The following CFAP77 variants were observed in gnomAD, a reference collection of about 807,000 sequenced individuals.
CFAP77 encodes the protein cilia- and flagella-associated protein 77.
Under a neutral mutation model 31.1 loss-of-function variants are expected in CFAP77, and 25 were observed. The ratio of observed to expected loss-of-function variants is 0.80; its 90% CI spans 0.59 to 1.12. The LOEUF is 1.12. Among genes scored for constraint, CFAP77 ranks in the 50% most tolerant of loss-of-function variants. The pLI is 0.00. For missense variants in CFAP77, 377 were observed against 397.3 expected, an observed-to-expected ratio of 0.95 and a Z score of 0.44; for synonymous variants, 151 against 159.9, an observed-to-expected ratio of 0.94 and a Z score of 0.42.
chr9:132,421,433 CA>C (rs1188252171), intron 1 of CFAP77, among the ~76,000 whole-genome samples: 7 of 152,284 alleles, frequency 4.6e-5, no homozygotes, highest in African/African-American at 1.7e-4. Context: ...TACAGAATTA[CA>C]AATAATTTTG....
intron 1 of CFAP77, among the ~76,000 whole-genome samples, chr9:132,422,990 G>A (rs767030766): frequency 1.3e-5 from 2 of 152,176 alleles, no homozygotes; most frequent in African/African-American, 2.4e-5. Flanking sequence ...GCCCAAGTCC[G>A]CCGCGCTCCG....
chr9:132,454,210 G>C (rs1426064511), intron 1 of CFAP77, among the ~76,000 whole-genome samples: 2 of 151,994 alleles, frequency 1.3e-5, no homozygotes, highest in African/African-American at 4.8e-5. Flanking sequence ...GCAGTATCTA[G>C]TAGCTTCTTT....
chr9:132,569,196 G>A (rs1426348070), intron 5 of CFAP77, among the ~76,000 whole-genome samples: 1 of 152,080 alleles, frequency 6.6e-6, no homozygotes, highest in East Asian at 1.9e-4. Flanking sequence ...TTGAGGCTAG[G>A]GGTTCCAGAC....
At chr9:132,431,339 C>G (rs960888385) in intron 1 of CFAP77, among the ~76,000 whole-genome samples, 1 of 152,182 alleles carries the variant, frequency 6.6e-6, no homozygotes, top group East Asian at 1.9e-4. Context: ...GGGTCAGTCA[C>G]AATGTCCAAG....
At chr9:132,459,809 A>G (rs1589863165) in intron 1 of CFAP77, among the ~76,000 whole-genome samples, 1 of 146,704 alleles carries the variant, frequency 6.8e-6, no homozygotes, top group South Asian at 2.2e-4. Context: ...CGATGTGTGT[A>G]TGTGTGTGTA....
Position 132,564,320 on chromosome 9 carries a change from T to C in CFAP77, c.733-8068T>C, listed in dbSNP as rs1589928737. On this transcript the variant is annotated intron_variant, in intron 5 of 5. Transcript: ENST00000393216. The surrounding 1 kb of genome is among the most constrained non-coding windows in gnomAD (Gnocchi z 4.6). ...CACATGAGGATTTTTTCATTGAAAG[T>C]AGAACAGATTTTTCAAGCAAGAATA... Among the ~76,000 whole-genome samples, 1 of 152,244 alleles carries C rather than the reference T, an allele frequency of 6.6e-6. No individual in the cohort carries two copies. The highest frequency in any genetic ancestry group is 3.4e-3 in the Middle Eastern group (1 of 294).
At chr9:132,570,159 C>T (rs1829938939) in intron 5 of CFAP77, among the ~76,000 whole-genome samples, 1 of 152,224 alleles carries the variant, frequency 6.6e-6, no homozygotes, top group African/African-American at 2.4e-5. Flanking sequence ...TATTTTCCTC[C>T]TGCACACTGT....
chr9:132,491,460 T>C (rs958758457), intron 1 of CFAP77, among the ~76,000 whole-genome samples: 1 of 152,134 alleles, frequency 6.6e-6, no homozygotes, highest in Non-Finnish European at 1.5e-5. Flanking sequence ...AGAGCGAAAC[T>C]CCATCTCAAA....
chr9:132,521,475 C>T (rs981524791), intron 3 of CFAP77, among the ~76,000 whole-genome samples: 1 of 152,176 alleles, frequency 6.6e-6, no homozygotes, highest in African/African-American at 2.4e-5. Flanking sequence ...ATCCCTGCTC[C>T]GTGGAGCTCA....
At chr9:132,446,726 G>A (rs1203096539) in intron 1 of CFAP77, among the ~76,000 whole-genome samples, 3 of 122,234 alleles carry the variant, frequency 2.5e-5, no homozygotes, top group South Asian at 5.3e-4. Context: ...GGGCGACAGA[G>A]CAAAACTCCT....
At chr9:132,478,121 T>C (rs1851381355) in intron 1 of CFAP77, among the ~76,000 whole-genome samples, 1 of 152,122 alleles carries the variant, frequency 6.6e-6, no homozygotes, top group South Asian at 2.1e-4. Context: ...CCCCACATGT[T>C]GAAGATGGGG....
At chr9:132,437,889 A>G in intron 1 of CFAP77, among the ~76,000 whole-genome samples, 1 of 151,846 alleles carries the variant, frequency 6.6e-6, no homozygotes, top group East Asian at 1.9e-4. Flanking sequence ...TGTAATAGAT[A>G]TAAATAAACC....
rs1415942433 is a variant in CFAP77 at position 132,539,395 on chromosome 9, TCTC to T, written c.630+1695_630+1697del. Among the ~76,000 whole-genome samples the T allele has an allele frequency of 1.3e-5, 2 of 152,164 alleles. No individual in the cohort carries two copies. Among genetic ancestry groups the T allele is most frequent in the Non-Finnish European group, 2.9e-5 (2 of 68,030 alleles). ...CTCTGAGAATGCCCTGAGGTCAGTC[TCTC>T]CTCCTATCATCTCAGTTTGGTTTAT... is the stretch of plus-strand genomic sequence containing the variant. On this transcript the variant is annotated intron_variant, in intron 4 of 5. Coordinates refer to ENST00000393216, the MANE Select transcript of CFAP77 (RefSeq NM_001282957.2). This position sits in a 1 kb window ranked among gnomAD's most constrained non-coding sequence, Gnocchi z 4.3.
intron 1 of CFAP77, among the ~76,000 whole-genome samples, chr9:132,470,279 C>G (rs143491704): frequency 0.024 from 3,641 of 152,292 alleles, 54 homozygotes; most frequent in Non-Finnish European, 0.035. Context: ...GTCATTACAG[C>G]AATGCTAGGA....
chr9:132,418,253 C>T (rs1423375800), intron 1 of CFAP77, among the ~76,000 whole-genome samples: 2 of 152,208 alleles, frequency 1.3e-5, no homozygotes, highest in African/African-American at 2.4e-5. Context: ...TTACACCTGG[C>T]GAGGGGGTGC....
In CFAP77 at chr9:132,501,591, C is replaced by T. The variant is rs146162737; in HGVS notation, c.524+1991C>T. Reference sequence around the variant, plus strand: ...CCAATTTTTGTATTTATAGTAGAGACGGGGTTTCACCATGTTGGCCAGGCT... The same window carrying T: ...CCAATTTTTGTATTTATAGTAGAGATGGGGTTTCACCATGTTGGCCAGGCT... On this transcript the variant is annotated intron_variant, in intron 3 of 5. Coordinates refer to ENST00000393216, the MANE Select transcript of CFAP77 (RefSeq NM_001282957.2). The surrounding 1 kb of genome is among the most constrained non-coding windows in gnomAD (Gnocchi z 4.6). Among the ~76,000 whole-genome samples, 264 of 152,226 alleles carry T rather than the reference C, an allele frequency of 1.7e-3. No homozygotes were observed. The highest frequency in any genetic ancestry group is 5.7e-3 in the African/African-American group (237 of 41,548).
intron 5 of CFAP77, among the ~76,000 whole-genome samples, chr9:132,549,249 A>T (rs1852785452): frequency 6.6e-6 from 1 of 152,178 alleles, no homozygotes; most frequent in African/African-American, 2.4e-5. Flanking sequence ...CGACCCCCAC[A>T]AAGGTGTATC....
rs960813355 is a variant in CFAP77, at chr9:132,517,290, A to G, written c.524+17690A>G. ...ACTCCCCGGCCCCCGGGAGCAGCAG[A>G]CTGCTGGCATATTAGAGATGGATTT... On this transcript the variant is annotated intron_variant, in intron 3 of 5. Transcript: ENST00000393216. The surrounding 1 kb of genome is among the most constrained non-coding windows in gnomAD (Gnocchi z 4.7). Among the ~76,000 whole-genome samples the G allele has an allele frequency of 6.6e-6, 1 of 152,188 alleles. No homozygotes were observed. Among genetic ancestry groups the G allele is most frequent in the African/African-American group, 2.4e-5 (1 of 41,448 alleles).
chr9:132,437,950 C>T (rs1400881522), intron 1 of CFAP77, among the ~76,000 whole-genome samples: 4 of 151,720 alleles, frequency 2.6e-5, no homozygotes, highest in South Asian at 4.2e-4. Flanking sequence ...TGGCTCACTC[C>T]TGTAATCCCA....
Sources: allele counts gnomAD v4.1 joint callset (sites outside exome capture counted in the v4.1 genomes callset), GRCh38; gene constraint gnomAD v4.1.1; non-coding constraint Gnocchi (gnomAD v3.1); transcripts MANE v1.5; gene names NCBI Gene and HGNC (gene_info 2026-07-23, HGNC 2026-07-21).